ARL8A: variants seen among roughly 807,000 people sequenced by gnomAD.
The protein encoded by ARL8A is ARF like GTPase 8A, also known as ADP-ribosylation factor-like protein 8A.
Under a neutral mutation model 31.2 loss-of-function variants are expected in ARL8A, and 10 were observed. The ratio of observed to expected loss-of-function variants is 0.32; its 90% CI spans 0.20 to 0.54. The LOEUF is 0.54. Ranked by LOEUF, ARL8A falls within the 20% of genes least tolerant of loss-of-function variation. The probability of loss-of-function intolerance (pLI) is 0.93; values close to 1 mark genes in which losing one functional copy is unlikely to be tolerated. For missense variants in ARL8A, 129 were observed against 242.8 expected (o/e 0.53, Z 3.12); for synonymous variants, 70 against 86.9 (o/e 0.81, Z 1.08).
rs1215735178 is a variant in ARL8A, at chr1:202,135,828, G to A, written c.279-28C>T. ...GGGGAAAGAGGCAGGGTGGGGACAA[G>A]CATGTTGACACCACAGGCTGAGGTG... On this transcript the variant is annotated intron_variant, in intron 3 of 6. Transcript: ENST00000272217. The surrounding 1 kb of genome is among the most constrained non-coding windows in gnomAD (Gnocchi z 5.3). 1 of 1,572,970 alleles carries A rather than the reference G, an allele frequency of 6.4e-7. No individual in the cohort carries two copies. Among genetic ancestry groups the A allele is most frequent in the African/African-American group, 1.3e-5 (1 of 74,144 alleles).
At position 202,138,169 on chromosome 1, in the gene ARL8A, G is replaced by C; in HGVS notation, c.205-131C>G. On this transcript the variant is annotated intron_variant, in intron 2 of 6. Transcript: ENST00000272217. The surrounding 1 kb of genome is among the most constrained non-coding windows in gnomAD (Gnocchi z 4.4). ...CCGGCTTCCTCTCCAGTTCTCCCCC[G>C]TCTCCACCCGCTCTCCGTCTACCTT... 8.5e-7 allele frequency: 1 copy of C among 1,172,872 alleles called. No homozygotes were observed. The highest frequency in any genetic ancestry group is 2.0e-5 in the Admixed American group (1 of 50,968). The allele number at this position is 1,172,872 out of a possible 1,614,324, so 72.7% of individuals were successfully genotyped here.
rs1234988970 is a variant in ARL8A, at chr1:202,138,030, G to A, written c.213C>T (p.Asp71=). ...TGCGGAAACGCGGCTGTCCCCCAATGTCCCAGAGCTGAGCAAGAAGAGGGT... is the reference window on the plus strand; with the variant it reads ...TGCGGAAACGCGGCTGTCCCCCAATATCCCAGAGCTGAGCAAGAAGAGGGT... The part of the protein sequence containing the change: ...TKGNVTIKLW[D]IGGQPRFRSM... The change falls in exon 3 of 7, where the codon GAC becomes GAT. Residue 71 remains aspartate (D), a synonymous_variant. Coordinates refer to ENST00000272217, the MANE Select transcript of ARL8A (RefSeq NM_138795.4). The surrounding 1 kb of genome is among the most constrained non-coding windows in gnomAD (Gnocchi z 4.4). 6.2e-7 allele frequency: 1 copy of A among 1,613,952 alleles called. No homozygotes were observed. Among genetic ancestry groups the A allele is most frequent in the African/African-American group, 1.3e-5 (1 of 74,926 alleles).
In ARL8A at chr1:202,135,458, C is replaced by T; in HGVS notation, c.440+1G>A. ...AAGTAATATAGAGTCACCCAACTCACATTTTCTCAATCAGCTCCTTCTCAT... is the reference window on the plus strand; with the variant it reads ...AAGTAATATAGAGTCACCCAACTCATATTTTCTCAATCAGCTCCTTCTCAT... On this transcript the variant is annotated splice_donor_variant, in intron 5 of 6. Transcript: ENST00000272217. LOFTEE classifies it high-confidence loss of function. This position sits in a 1 kb window ranked among gnomAD's most constrained non-coding sequence, Gnocchi z 5.3. The T allele has an allele frequency of 6.2e-7, 1 of 1,613,994 alleles. No individual in the cohort carries two copies. Among genetic ancestry groups the T allele is most frequent in the Non-Finnish European group, 8.5e-7 (1 of 1,179,880 alleles).
chr1:202,138,433 C>T lies in ARL8A; in HGVS notation c.139G>A (p.Glu47Lys), dbSNP rs1655076958. ...AAACCCACGGTGGGGATCATGTCCT[C>T]GTTGAACTGTCCTGACTGGAAAGAA... Reference protein sequence around the residue: ...VNVIASGQFNEDMIPTVGFNM... With the variant: ...VNVIASGQFNKDMIPTVGFNM... The change falls in exon 2 of 7, where the codon GAG becomes AAG. Residue 47 changes from glutamate (E) to lysine (K), a missense_variant. By Grantham distance (56) the Glu-to-Lys change is moderately conservative (BLOSUM62 1). Coordinates refer to ENST00000272217, the MANE Select transcript of ARL8A (RefSeq NM_138795.4). The surrounding 1 kb of genome is among the most constrained non-coding windows in gnomAD (Gnocchi z 4.4). 1.2e-6 allele frequency: 2 copies of T among 1,614,058 alleles called. No individual in the cohort carries two copies. Among genetic ancestry groups the T allele is most frequent in the South Asian group, 1.1e-5 (1 of 91,080 alleles).
rs1250672372 is a variant in ARL8A, at chr1:202,138,640, G to A, written c.124-192C>T. ...ACCTATGTGTCCCGCCTACACCTGGGGATGCCCTGTGAAAAGACCCGCTTT... is the reference window on the plus strand; with the variant it reads ...ACCTATGTGTCCCGCCTACACCTGGAGATGCCCTGTGAAAAGACCCGCTTT... On this transcript the variant is annotated intron_variant, in intron 1 of 6. Coordinates refer to ENST00000272217, the MANE Select transcript of ARL8A (RefSeq NM_138795.4). This position sits in a 1 kb window ranked among gnomAD's most constrained non-coding sequence, Gnocchi z 4.4. Among the ~76,000 whole-genome samples the A allele has an allele frequency of 6.6e-6, 1 of 152,116 alleles. No individual in the cohort carries two copies. The highest frequency in any genetic ancestry group is 1.5e-5 in the Non-Finnish European group (1 of 68,032).
chr1:202,137,880 C>T, intron 3 of ARL8A, 85 bp downstream of exon 3: 10 of 1,437,142 alleles, frequency 7.0e-6, no homozygotes, highest in Non-Finnish European at 9.7e-6. Flanking sequence ...TCTAATAAAA[C>T]CCTGCGCCTC....
At position 202,134,599 on chromosome 1, in the gene ARL8A, C is replaced by T. The variant is rs545321027; in HGVS notation, c.512-83G>A. ...AGCAGAGAGGCCCAAGAAACCAAAC[C>T]TAAGGGTATCAGAAGTCCAGAGATG... On this transcript the variant is annotated intron_variant, in intron 6 of 6. Coordinates refer to ENST00000272217, the MANE Select transcript of ARL8A (RefSeq NM_138795.4). The surrounding 1 kb of genome is among the most constrained non-coding windows in gnomAD (Gnocchi z 4.2). 54 of 1,302,664 alleles carry T rather than the reference C, an allele frequency of 4.1e-5. No homozygotes were observed. In the Middle Eastern group the frequency reaches 1.5e-3, roughly 36 times the overall value. The allele number at this position is 1,302,664 out of a possible 1,614,324, so 80.7% of individuals were successfully genotyped here. A position where few individuals can be genotyped will look rare whatever the true frequency, so the allele number is the denominator to read the frequency against.
In ARL8A at chr1:202,138,274, G is replaced by T; in HGVS notation, c.204+94C>A. 7.1e-7 allele frequency: 1 copy of T among 1,411,390 alleles called. No homozygotes were observed. The allele number at this position is 1,411,390 out of a possible 1,614,324, so 87.4% of individuals were successfully genotyped here. ...CCCCACTTCAGCTCGCTCCTCCCAG[G>T]GGCCTCCGTTGCCCTCCCCAACACA... On this transcript the variant is annotated intron_variant, in intron 2 of 6. Transcript: ENST00000272217. This position sits in a 1 kb window ranked among gnomAD's most constrained non-coding sequence, Gnocchi z 4.4.
rs1195592573 is a variant in ARL8A at position 202,135,961 on chromosome 1, G to C, written c.279-161C>G. On this transcript the variant is annotated intron_variant, in intron 3 of 6. Transcript: ENST00000272217. The surrounding 1 kb of genome is among the most constrained non-coding windows in gnomAD (Gnocchi z 5.3). Reference sequence around the variant, plus strand: ...GCCTGGCTCAAGGCAGGTGCTCCGCGGATGTTTTCTGAGTCTATGGGAGTG... The same window carrying C: ...GCCTGGCTCAAGGCAGGTGCTCCGCCGATGTTTTCTGAGTCTATGGGAGTG... 1.3e-5 allele frequency among the ~76,000 whole-genome samples: 2 copies of C among 152,132 alleles called. No homozygotes were observed. The highest frequency in any genetic ancestry group is 2.9e-5 in the Non-Finnish European group (2 of 68,034).
rs1655071983 is a variant in ARL8A at position 202,138,309 on chromosome 1, AC to A, written c.204+58del. 1 of 1,524,254 alleles carries A rather than the reference AC, an allele frequency of 6.6e-7. No individual in the cohort carries two copies. The highest frequency in any genetic ancestry group is 1.4e-5 in the African/African-American group (1 of 72,516). 94.4% of individuals were successfully genotyped at this position (1,524,254 alleles called of 1,614,324 possible). A position where few individuals can be genotyped will look rare whatever the true frequency, so the allele number is the denominator to read the frequency against. On this transcript the variant is annotated intron_variant, in intron 2 of 6. Coordinates refer to ENST00000272217, the MANE Select transcript of ARL8A (RefSeq NM_138795.4). This position sits in a 1 kb window ranked among gnomAD's most constrained non-coding sequence, Gnocchi z 4.4. ...TGCCCTCCCCAACACACACACACAC[AC>A]ACACACACACACACACAAAAACAGT... is the stretch of plus-strand genomic sequence containing the variant.
intron 1 of ARL8A, among the ~76,000 whole-genome samples, chr1:202,139,921 T>C (rs1035930455): frequency 2.0e-5 from 3 of 151,912 alleles, no homozygotes; most frequent in African/African-American, 7.3e-5. Flanking sequence ...GCGCTGGGAT[T>C]ATAGGGGTGA....
Position 202,138,294 on chromosome 1 carries a change from A to AACACACACACACACACACACACACAC in ARL8A, c.204+48_204+73dup, listed in dbSNP as rs10531175. 5 of 1,337,836 alleles carry AACACACACACACACACACACACACAC rather than the reference A, an allele frequency of 3.7e-6. No individual in the cohort carries two copies. In the African/African-American group the frequency reaches 6.0e-5, roughly 16 times the overall value. 82.9% of individuals were successfully genotyped at this position (1,337,836 alleles called of 1,614,324 possible). A position where few individuals can be genotyped will look rare whatever the true frequency, so the allele number is the denominator to read the frequency against. On this transcript the variant is annotated intron_variant, in intron 2 of 6. Transcript: ENST00000272217. The surrounding 1 kb of genome is among the most constrained non-coding windows in gnomAD (Gnocchi z 4.4). ...CCCAGGGGCCTCCGTTGCCCTCCCC[A>AACACACACACACACACACACACACAC]ACACACACACACACACACACACACA...
chr1:202,135,365 T>A lies in ARL8A; in HGVS notation c.440+94A>T. 1 of 1,515,976 alleles carries A rather than the reference T, an allele frequency of 6.6e-7. No homozygotes were observed. The highest frequency in any genetic ancestry group is 9.2e-7 in the Non-Finnish European group (1 of 1,091,422). 93.9% of individuals were successfully genotyped at this position (1,515,976 alleles called of 1,614,324 possible). ...AAAGGTCGGCTCTGCTGCCACCGTGTGGCTAATACTAAGAACAGCAGCAAG... is the reference window on the plus strand; with the variant it reads ...AAAGGTCGGCTCTGCTGCCACCGTGAGGCTAATACTAAGAACAGCAGCAAG... On this transcript the variant is annotated intron_variant, in intron 5 of 6. Transcript: ENST00000272217. This position sits in a 1 kb window ranked among gnomAD's most constrained non-coding sequence, Gnocchi z 5.3.
chr1:202,144,404 G>T lies in ARL8A; in HGVS notation c.123+46C>A. On this transcript the variant is annotated intron_variant, in intron 1 of 6. Coordinates refer to ENST00000272217, the MANE Select transcript of ARL8A (RefSeq NM_138795.4). This position sits in a 1 kb window ranked among gnomAD's most constrained non-coding sequence, Gnocchi z 5.2. ...GCGCGGCGCGGGCGGGGACAGGCCC[G>T]ACCCGCGGCCCGCGCCCGGGGACCC... The T allele has an allele frequency of 1.6e-6, 2 of 1,278,730 alleles. No individual in the cohort carries two copies. Among genetic ancestry groups the T allele is most frequent in the Non-Finnish European group, 1.0e-6 (1 of 983,704 alleles). 79.2% of individuals were successfully genotyped at this position (1,278,730 alleles called of 1,614,324 possible).
chr1:202,134,260 G>A lies in ARL8A; in HGVS notation c.*207C>T, dbSNP rs1006813673. 7.1e-6 allele frequency: 4 copies of A among 565,914 alleles called. No homozygotes were observed. Among genetic ancestry groups the A allele is most frequent in the African/African-American group, 1.9e-5 (1 of 52,960 alleles). The allele number at this position is 565,914 out of a possible 1,614,324, so 35.1% of individuals were successfully genotyped here. Reference sequence around the variant, plus strand: ...CAAAGGCAGCGGGGAAGGGTGAGAAGTTAGGGGACCAGAATGGGGGGCAAT... The same window carrying A: ...CAAAGGCAGCGGGGAAGGGTGAGAAATTAGGGGACCAGAATGGGGGGCAAT... On this transcript the variant is annotated 3_prime_UTR_variant, in exon 7 of 7. Coordinates refer to ENST00000272217, the MANE Select transcript of ARL8A (RefSeq NM_138795.4). This position sits in a 1 kb window ranked among gnomAD's most constrained non-coding sequence, Gnocchi z 4.2.
intron 1 of ARL8A, among the ~76,000 whole-genome samples, chr1:202,139,876 G>A (rs1571721516): frequency 1.3e-5 from 2 of 151,882 alleles, no homozygotes; most frequent in South Asian, 4.2e-4. Context: ...TTGAACTCCT[G>A]ACCTCAAGTG....
chr1:202,136,871 TTGAGACAGAGTCTCGC>T (rs1172857158), intron 3 of ARL8A, among the ~76,000 whole-genome samples: 1 of 152,132 alleles, frequency 6.6e-6, no homozygotes, highest in Non-Finnish European at 1.5e-5. Context: ...TTCCTTTTTT[TTGAGACAGAGTCTCGC>T]TTTGTCGCCC....
At position 202,135,422 on chromosome 1, in the gene ARL8A, G is replaced by T. The variant is rs1349363668; in HGVS notation, c.440+37C>A. ...CTGTTGGTCTGGTGGTTGGGGAATT[G>T]GGAGAGCAGAAAGTAATATAGAGTC... On this transcript the variant is annotated intron_variant, in intron 5 of 6. Coordinates refer to ENST00000272217, the MANE Select transcript of ARL8A (RefSeq NM_138795.4). This position sits in a 1 kb window ranked among gnomAD's most constrained non-coding sequence, Gnocchi z 5.3. The T allele has an allele frequency of 1.2e-6, 2 of 1,601,990 alleles. No individual in the cohort carries two copies. The highest frequency in any genetic ancestry group is 3.3e-5 in the Admixed American group (2 of 59,964).
At chr1:202,136,830 CT>C (rs1655019926) in intron 3 of ARL8A, among the ~76,000 whole-genome samples, 1 of 152,124 alleles carries the variant, frequency 6.6e-6, no homozygotes, top group South Asian at 2.1e-4. Context: ...TGGCCTCCCC[CT>C]GTGCCCTGCC....
Sources: gnomAD v4.1 joint callset for allele counts (sites outside exome capture counted in the v4.1 genomes callset) on GRCh38, gnomAD v4.1.1 for gene constraint, Gnocchi (gnomAD v3.1) non-coding constraint, MANE v1.5 for transcripts, NCBI Gene and HGNC (gene_info 2026-07-23, HGNC 2026-07-21) for gene names.